NPAS3: variants seen among roughly 807,000 people sequenced by gnomAD.
NPAS3 encodes the protein neuronal PAS domain protein 3.
NPAS3 carries 14 observed loss-of-function variants against 73.1 expected under a neutral mutation model. The ratio of observed to expected loss-of-function variants is 0.19; its 90% confidence interval spans 0.13 to 0.30. The LOEUF is 0.30. Ranked by LOEUF, NPAS3 falls within the 10% of genes least tolerant of loss-of-function variation. The probability of loss-of-function intolerance (pLI) is 1.00; values close to 1 mark genes in which losing one functional copy is unlikely to be tolerated. For missense variants in NPAS3, 1,096 were observed against 1,250.0 expected (o/e 0.88, Z 1.86); for synonymous variants, 620 against 541.5 (o/e 1.14, Z -2.01).
chr14:33,258,915 G>T (rs988296425), intron 3 of NPAS3, among the ~76,000 whole-genome samples: 1 of 152,120 alleles, frequency 6.6e-6, no homozygotes, highest in Non-Finnish European at 1.5e-5. Flanking sequence ...CCGGGTTCAC[G>T]CCATCCTCCT....
At chr14:33,268,298 C>T (rs1320388451) in intron 3 of NPAS3, among the ~76,000 whole-genome samples, 1 of 152,110 alleles carries the variant, frequency 6.6e-6, no homozygotes, top group African/African-American at 2.4e-5. Flanking sequence ...GATCTCTTCC[C>T]CAGCTTAGAC....
chr14:33,662,865 T>G (rs746196177), intron 5 of NPAS3, among the ~76,000 whole-genome samples: 44 of 147,358 alleles, frequency 3.0e-4, no homozygotes, highest in Middle Eastern at 7.1e-3. Context: ...ACAATGGGGT[T>G]TTCCTTTTTT....
At chr14:33,624,309 G>A (rs747226645) in intron 5 of NPAS3, among the ~76,000 whole-genome samples, 2 of 152,206 alleles carry the variant, frequency 1.3e-5, no homozygotes, top group Non-Finnish European at 2.9e-5. Context: ...CTAGAATCAA[G>A]ATCACCATAT....
At chr14:33,682,716 C>T (rs551885728) in intron 6 of NPAS3, among the ~76,000 whole-genome samples, 60 of 152,214 alleles carry the variant, frequency 3.9e-4, no homozygotes, top group Non-Finnish European at 6.8e-4. Context: ...TATGCAAGGC[C>T]TAGGCATACT....
chr14:33,579,555 A>G (rs1210245901), intron 5 of NPAS3, among the ~76,000 whole-genome samples: 3 of 152,238 alleles, frequency 2.0e-5, no homozygotes, highest in African/African-American at 4.8e-5. Context: ...TTCAGAATCA[A>G]TGTACTCCCC....
chr14:33,726,926 G>A (rs962815019), intron 6 of NPAS3, among the ~76,000 whole-genome samples: 5 of 152,162 alleles, frequency 3.3e-5, no homozygotes, highest in African/African-American at 9.7e-5. Flanking sequence ...AGTGACACTT[G>A]CGTACCAATG....
chr14:33,566,465 C>A (rs2055946968), intron 5 of NPAS3, among the ~76,000 whole-genome samples: 1 of 152,138 alleles, frequency 6.6e-6, no homozygotes, highest in Non-Finnish European at 1.5e-5. Flanking sequence ...CCACCCCACC[C>A]TTCCAAATAG....
intron 3 of NPAS3, among the ~76,000 whole-genome samples, chr14:33,308,553 C>CAT (rs1555371876): frequency 5.3e-5 from 6 of 113,892 alleles, no homozygotes; most frequent in African/African-American, 2.4e-4. Context: ...CACACACACA[C>CAT]ACATACATAC....
At chr14:33,399,470 T>C (rs2047359449) in intron 4 of NPAS3, among the ~76,000 whole-genome samples, 1 of 152,032 alleles carries the variant, frequency 6.6e-6, no homozygotes, top group African/African-American at 2.4e-5. Flanking sequence ...GAGACATATG[T>C]TTCAAACAGA....
chr14:33,718,759 C>A (rs1455282343), intron 6 of NPAS3, among the ~76,000 whole-genome samples: 1 of 152,112 alleles, frequency 6.6e-6, no homozygotes, highest in African/African-American at 2.4e-5. Context: ...CGAAGTTAGG[C>A]AAGTCACATA....
At chr14:33,763,060 T>A (rs911131810) in intron 7 of NPAS3, among the ~76,000 whole-genome samples, 1 of 152,194 alleles carries the variant, frequency 6.6e-6, no homozygotes, top group Admixed American at 6.5e-5. Flanking sequence ...TGCCACTAAC[T>A]GGCCCTGCAT....
At chr14:33,164,177 G>C (rs2045032275) in intron 2 of NPAS3, among the ~76,000 whole-genome samples, 1 of 152,208 alleles carries the variant, frequency 6.6e-6, no homozygotes, top group African/African-American at 2.4e-5. Flanking sequence ...CTTGTAAGGA[G>C]AGCCAGTGGT....
intron 2 of NPAS3, among the ~76,000 whole-genome samples, chr14:33,176,707 T>C (rs959444646): frequency 1.2e-4 from 19 of 152,328 alleles, no homozygotes; most frequent in Admixed American, 3.9e-4. Flanking sequence ...CTTGAGTCTC[T>C]GATTTCCATT....
intron 3 of NPAS3, among the ~76,000 whole-genome samples, chr14:33,277,166 A>G (rs7141967): frequency 0.023 from 3,577 of 152,266 alleles, 143 homozygotes; most frequent in African/African-American, 0.08. Context: ...AATACCAGCC[A>G]TTAACAAAAG....
intron 1 of NPAS3, among the ~76,000 whole-genome samples, chr14:33,031,356 G>A (rs1320605475): frequency 1.3e-5 from 2 of 152,176 alleles, no homozygotes; most frequent in African/African-American, 4.8e-5. Flanking sequence ...TGAGGGAACT[G>A]AACGGTTAAG....
chr14:33,668,492 G>A (rs1169773973), intron 5 of NPAS3, among the ~76,000 whole-genome samples: 5 of 152,130 alleles, frequency 3.3e-5, no homozygotes, highest in East Asian at 1.9e-4. Context: ...GAATTATTAT[G>A]GTTTTCCTAA....
chr14:33,440,726 T>A (rs1042110639), intron 4 of NPAS3, among the ~76,000 whole-genome samples: 7 of 152,024 alleles, frequency 4.6e-5, no homozygotes, highest in African/African-American at 1.7e-4. Context: ...AACTCTGTTT[T>A]TACTAAAAAT....
intron 5 of NPAS3, among the ~76,000 whole-genome samples, chr14:33,561,360 G>A (rs1375087141): frequency 2.0e-5 from 3 of 152,196 alleles, no homozygotes; most frequent in Non-Finnish European, 4.4e-5. Flanking sequence ...TGGGGAAGGA[G>A]GAGAAACACT....
intron 4 of NPAS3, among the ~76,000 whole-genome samples, chr14:33,399,956 A>G (rs1338841634): frequency 6.6e-6 from 1 of 152,058 alleles, no homozygotes; most frequent in Non-Finnish European, 1.5e-5. Context: ...AACAAAACTC[A>G]TATTTACCAG....
Sources: allele counts gnomAD v4.1 joint callset (sites outside exome capture counted in the v4.1 genomes callset), GRCh38; gene constraint gnomAD v4.1.1; transcripts MANE v1.5; gene names NCBI Gene and HGNC (gene_info 2026-07-23, HGNC 2026-07-21).